The following PRKCZ variants were observed in gnomAD, a reference collection of about 807,000 sequenced individuals.
The protein encoded by PRKCZ is protein kinase C zeta type.
A neutral mutation model predicts 79.5 loss-of-function variants in PRKCZ; 33 were observed. That is an observed-to-expected ratio of 0.41 (90% CI 0.31 to 0.55). PRKCZ has a LOEUF of 0.55. PRKCZ is among the 20% of genes least tolerant of loss of function. The pLI, the probability that PRKCZ is intolerant of heterozygous loss-of-function variation, is 0.19. For synonymous variants in PRKCZ, 342 were observed against 320.9 expected, an observed-to-expected ratio of 1.07 and a Z score of -0.70; for missense variants, 578 against 813.5, an observed-to-expected ratio of 0.71 and a Z score of 3.52.
chr1:2,057,137 A>C (rs554844953), intron 3 of PRKCZ, among the ~76,000 whole-genome samples: 1 of 152,340 alleles, frequency 6.6e-6, no homozygotes, highest in South Asian at 2.1e-4. Flanking sequence ...ATGTGGACAG[A>C]GGGGACAGCC....
At position 2,172,758 on chromosome 1, in the gene PRKCZ, G is replaced by A. The variant is rs562744955; in HGVS notation, c.1285+370G>A. Reference sequence around the variant, plus strand: ...GGGGAGCCCCAGGGGGTGCAGGAGCGTGTGGACAGGACCCCACAGGCCCTG... The same window carrying A: ...GGGGAGCCCCAGGGGGTGCAGGAGCATGTGGACAGGACCCCACAGGCCCTG... On this transcript the variant is annotated intron_variant, in intron 13 of 17. Transcript: ENST00000378567. The surrounding 1 kb of genome is among the most constrained non-coding windows in gnomAD (Gnocchi z 7.8). Among the ~76,000 whole-genome samples, 431 of 152,346 alleles carry A rather than the reference G, an allele frequency of 2.8e-3. 2 individuals carry two copies. The highest frequency in any genetic ancestry group is 9.8e-3 in the African/African-American group (406 of 41,584).
Position 2,174,135 on chromosome 1 carries a change from C to G in PRKCZ, c.1405+119C>G. 1.5e-6 allele frequency: 2 copies of G among 1,310,308 alleles called. No individual in the cohort carries two copies. The highest frequency in any genetic ancestry group is 2.0e-6 in the Non-Finnish European group (2 of 986,980). The allele number at this position is 1,310,308 out of a possible 1,614,324, so 81.2% of individuals were successfully genotyped here. On this transcript the variant is annotated intron_variant, in intron 14 of 17. Coordinates refer to ENST00000378567, the MANE Select transcript of PRKCZ (RefSeq NM_002744.6). The surrounding 1 kb of genome is among the most constrained non-coding windows in gnomAD (Gnocchi z 6.2). ...GAGCGGCAGTGCCATGCAAAGCGTA[C>G]CGGGAACCATTCCTCCTGGCCAGAC...
At chr1:2,097,614 C>T (rs1433253499) in intron 4 of PRKCZ, among the ~76,000 whole-genome samples, 1 of 151,428 alleles carries the variant, frequency 6.6e-6, no homozygotes, top group African/African-American at 2.4e-5. Flanking sequence ...GCCTCGCACC[C>T]AGCTGTAGAG....
chr1:2,125,806 AC>A lies in PRKCZ; in HGVS notation c.335-9455del, dbSNP rs1036148559. Among the ~76,000 whole-genome samples the A allele has an allele frequency of 1.3e-5, 2 of 152,218 alleles. No individual in the cohort carries two copies. The highest frequency in any genetic ancestry group is 4.8e-5 in the African/African-American group (2 of 41,466). ...CGCAGAGGCTGTCCCTTGGGGGCCC[AC>A]GCATCCTAGCCACGGCCTCCTCACG... On this transcript the variant is annotated intron_variant, in intron 4 of 17. Transcript: ENST00000378567. The surrounding 1 kb of genome is among the most constrained non-coding windows in gnomAD (Gnocchi z 4.2).
At position 2,184,915 on chromosome 1, in the gene PRKCZ, C is replaced by T; in HGVS notation, c.1692-7C>T. The T allele has an allele frequency of 7.4e-6, 12 of 1,612,702 alleles. No individual in the cohort carries two copies. Among genetic ancestry groups the T allele is most frequent in the Non-Finnish European group, 1.0e-5 (12 of 1,179,154 alleles). Reference sequence around the variant, plus strand: ...ACCCCCCTCCCCCCTGCCACCTTTGCCCACAGGGATGCCATAAAGAGGATC... The same window carrying T: ...ACCCCCCTCCCCCCTGCCACCTTTGTCCACAGGGATGCCATAAAGAGGATC... On this transcript the variant is annotated splice_region_variant and splice_polypyrimidine_tract_variant and intron_variant, in intron 17 of 17. Transcript: ENST00000378567.
intron 4 of PRKCZ, among the ~76,000 whole-genome samples, chr1:2,099,879 T>G (rs1280187938): frequency 6.6e-6 from 1 of 152,194 alleles, no homozygotes; most frequent in Admixed American, 6.5e-5. Flanking sequence ...AAATACGTTT[T>G]TTAAATCGGT....
chr1:2,154,531 C>T (rs1173626903), intron 9 of PRKCZ, among the ~76,000 whole-genome samples: 5 of 152,136 alleles, frequency 3.3e-5, no homozygotes, highest in Non-Finnish European at 5.9e-5. Context: ...ACAGTAAGAC[C>T]CTGCCTCTAC....
intron 4 of PRKCZ, among the ~76,000 whole-genome samples, chr1:2,062,138 G>A (rs1288757730): frequency 6.6e-6 from 1 of 152,216 alleles, no homozygotes; most frequent in African/African-American, 2.4e-5. Flanking sequence ...GTCTATATGA[G>A]TGAATTGGTT....
In PRKCZ at chr1:2,134,452, A is replaced by G. The variant is rs888920320; in HGVS notation, c.335-810A>G. Among the ~76,000 whole-genome samples, 3 of 152,192 alleles carry G rather than the reference A, an allele frequency of 2.0e-5. No homozygotes were observed. In the South Asian group the frequency reaches 6.2e-4, roughly 31 times the overall value. ...CCGTTTCTGAAGATTCTGTTTACAC[A>G]CACATCCGTTTCAAAGAGTTTTGGA... On this transcript the variant is annotated intron_variant, in intron 4 of 17. Coordinates refer to ENST00000378567, the MANE Select transcript of PRKCZ (RefSeq NM_002744.6).
In PRKCZ at chr1:2,172,363, C is replaced by T. The variant is rs779357986; in HGVS notation, c.1260C>T (p.Pro420=). 2.7e-5 allele frequency: 43 copies of T among 1,613,158 alleles called. No individual in the cohort carries two copies. The East Asian group carries it at 3.3e-4, about 13-fold the overall frequency. ...GCGGAACCCCGAATTACATCGCCCC[C>T]GAAATCCTGCGGGGAGAGGAGTACG... is the stretch of plus-strand genomic sequence containing the variant. ...TFCGTPNYIA[P]EILRGEEYGF... Residue 420 remains proline, a synonymous_variant, in exon 13 of 18, where the codon CCC becomes CCT. Coordinates refer to ENST00000378567, the MANE Select transcript of PRKCZ (RefSeq NM_002744.6). This position sits in a 1 kb window ranked among gnomAD's most constrained non-coding sequence, Gnocchi z 7.8.
intron 4 of PRKCZ, among the ~76,000 whole-genome samples, chr1:2,108,365 T>C (rs1256565547): frequency 3.3e-5 from 5 of 152,232 alleles, no homozygotes; most frequent in Non-Finnish European, 5.9e-5. Flanking sequence ...CAGCCATGCA[T>C]TGACCTCCGT....
intron 10 of PRKCZ, among the ~76,000 whole-genome samples, chr1:2,157,946 G>A (rs1297327458): frequency 2.0e-5 from 3 of 152,186 alleles, no homozygotes; most frequent in Non-Finnish European, 4.4e-5. Flanking sequence ...TAAGCACAGC[G>A]GTCCTAGGCC....
chr1:2,118,308 T>C lies in PRKCZ; in HGVS notation c.335-16954T>C, dbSNP rs1671152934. ...CACCATGCCTGGCCATATCTTCCTT[T>C]TGATTGATGCTTTTATCATCATGAA... On this transcript the variant is annotated intron_variant, in intron 4 of 17. Transcript: ENST00000378567. Among the ~76,000 whole-genome samples the C allele has an allele frequency of 5.3e-5, 8 of 150,510 alleles. No homozygotes were observed. In the South Asian group the frequency reaches 1.7e-3, roughly 32 times the overall value.
At chr1:2,068,440 C>T (rs1006238700) in intron 4 of PRKCZ, among the ~76,000 whole-genome samples, 1 of 152,278 alleles carries the variant, frequency 6.6e-6, no homozygotes, top group Non-Finnish European at 1.5e-5. Flanking sequence ...GACATCACTC[C>T]AGCCTCTGGC....
rs57326508 is a variant in PRKCZ, at chr1:2,056,232, C to G, written c.194-252C>G. On this transcript the variant is annotated intron_variant, in intron 2 of 17. Transcript: ENST00000378567. ...TCAGCCCCGCTCACTGCTTAGCCCT[C>G]CAAGTGGTGCCCAGGGCTGCAGGTG... is the stretch of plus-strand genomic sequence containing the variant. 1.5e-3 allele frequency among the ~76,000 whole-genome samples: 233 copies of G among 152,342 alleles called. 2 individuals carry two copies. The highest frequency in any genetic ancestry group is 5.3e-3 in the African/African-American group (222 of 41,572).
In PRKCZ at chr1:2,153,471, A is replaced by G. The variant is rs557302277; in HGVS notation, c.876+2493A>G. On this transcript the variant is annotated intron_variant, in intron 9 of 17. Coordinates refer to ENST00000378567, the MANE Select transcript of PRKCZ (RefSeq NM_002744.6). The stretch of plus-strand genomic sequence containing the variant: ...GAGCTGGGGCTGGGGCTGAGCCTCT[A>G]CTACCTCCCAGCAGGGCGTGTCTGT... Among the ~76,000 whole-genome samples the G allele has an allele frequency of 6.6e-5, 10 of 152,234 alleles. No individual in the cohort carries two copies. In the South Asian group the frequency reaches 8.3e-4, roughly 13 times the overall value.
At chr1:2,076,084 C>A (rs949081549) in intron 4 of PRKCZ, among the ~76,000 whole-genome samples, 58 of 152,214 alleles carry the variant, frequency 3.8e-4, no homozygotes, top group African/African-American at 1.3e-3. Context: ...GGAGCTGTCA[C>A]AGGGCCAGGC....
At chr1:2,084,499 A>T (rs1012972677) in intron 4 of PRKCZ, among the ~76,000 whole-genome samples, 7 of 152,184 alleles carry the variant, frequency 4.6e-5, no homozygotes, top group African/African-American at 1.4e-4. Context: ...GGCAGAACAC[A>T]TGCGCGGCCG....
At chr1:2,090,862 A>G (rs956299195) in intron 4 of PRKCZ, among the ~76,000 whole-genome samples, 1 of 152,236 alleles carries the variant, frequency 6.6e-6, no homozygotes, top group East Asian at 1.9e-4. Context: ...TGGTTTATCC[A>G]TATTAATTTA....
Sources: gnomAD v4.1 joint callset for allele counts (sites outside exome capture counted in the v4.1 genomes callset) on GRCh38, gnomAD v4.1.1 for gene constraint, Gnocchi (gnomAD v3.1) non-coding constraint, MANE v1.5 for transcripts, NCBI Gene and HGNC (gene_info 2026-07-23, HGNC 2026-07-21) for gene names.